SPTBN1: variants seen among roughly 807,000 people sequenced by gnomAD.
The protein encoded by SPTBN1 is spectrin beta chain, non-erythrocytic 1.
A neutral mutation model predicts 266.4 loss-of-function variants in SPTBN1; 32 were observed. The observed-to-expected ratio is 0.12, with a 90% CI of 0.09 to 0.16. The LOEUF (loss-of-function observed/expected upper bound fraction) is 0.16. SPTBN1 is among the 10% of genes least tolerant of loss of function. SPTBN1 has a pLI of 1.00. For missense variants in SPTBN1, 2,296 were observed against 3,067.1 expected (o/e 0.75, Z 5.94); for synonymous variants, 1,336 against 1,162.2 (o/e 1.15, Z -3.04).
At chr2:54,621,617 C>A in intron 8 of SPTBN1, 105 bp downstream of exon 8, 4 of 814,086 alleles carry the variant, frequency 4.9e-6, no homozygotes, top group Non-Finnish European at 8.3e-6. Flanking sequence ...TTGTAGTGGA[C>A]TCTCCGGATG....
intron 29 of SPTBN1, among the ~76,000 whole-genome samples, chr2:54,656,304 AATTC>A (rs1221756054): frequency 6.6e-6 from 1 of 152,218 alleles, no homozygotes; most frequent in Non-Finnish European, 1.5e-5. Context: ...TGTCTTCAAG[AATTC>A]TTACTACAGA....
chr2:54,489,509 T>C (rs1668576066), intron 1 of SPTBN1, among the ~76,000 whole-genome samples: 1 of 150,668 alleles, frequency 6.6e-6, no homozygotes, highest in Non-Finnish European at 1.5e-5. Context: ...GAGACCAGCC[T>C]GGCCAACATG....
intron 2 of SPTBN1, among the ~76,000 whole-genome samples, chr2:54,587,012 A>G (rs1675338593): frequency 6.6e-6 from 1 of 152,208 alleles, no homozygotes; most frequent in Non-Finnish European, 1.5e-5. Context: ...ATTGAAAACC[A>G]TAATAAGCAA....
intron 26 of SPTBN1, among the ~76,000 whole-genome samples, chr2:54,651,793 G>C (rs1680309231): frequency 1.3e-5 from 2 of 152,132 alleles, no homozygotes; most frequent in Non-Finnish European, 2.9e-5. Flanking sequence ...ATTGTAATTT[G>C]AGTTAAACCT....
chr2:54,519,772 A>G (rs574174100), intron 1 of SPTBN1, among the ~76,000 whole-genome samples: 5 of 152,280 alleles, frequency 3.3e-5, no homozygotes, highest in East Asian at 3.9e-4. Context: ...AGGGATTACA[A>G]TGAGAGATGA....
At chr2:54,480,672 T>C (rs1668048790) in intron 1 of SPTBN1, among the ~76,000 whole-genome samples, 1 of 152,170 alleles carries the variant, frequency 6.6e-6, no homozygotes, top group Admixed American at 6.5e-5. Context: ...CTACCCTCCA[T>C]TGGAATGGAT....
rs115782570 is a variant in SPTBN1 at position 54,575,636 on chromosome 2, A to G, written c.149-23456A>G. 6.9e-3 allele frequency among the ~76,000 whole-genome samples: 1,047 copies of G among 152,360 alleles called. 12 individuals carry two copies. Among genetic ancestry groups the G allele is most frequent in the African/African-American group, 0.023 (973 of 41,578 alleles). ...GATTCTTTTGTACACAGAGACGTGG[A>G]TGTAGACCCACTGGTAGCAATTGCA... On this transcript the variant is annotated intron_variant, in intron 2 of 35. Transcript: ENST00000356805.
intron 2 of SPTBN1, among the ~76,000 whole-genome samples, chr2:54,575,517 G>A (rs545152105): frequency 6.6e-6 from 1 of 152,340 alleles, no homozygotes; most frequent in South Asian, 2.1e-4. Flanking sequence ...TGTGGATACG[G>A]TATTTGGTAA....
intron 1 of SPTBN1, among the ~76,000 whole-genome samples, chr2:54,489,151 T>TAA (rs66488966): frequency 2.1e-4 from 24 of 116,106 alleles, no homozygotes; most frequent in African/African-American, 7.7e-4. Flanking sequence ...GGTCTGTATT[T>TAA]AAAAAAAAAA....
intron 1 of SPTBN1, among the ~76,000 whole-genome samples, chr2:54,498,656 A>G (rs1357247834): frequency 2.0e-5 from 3 of 152,244 alleles, no homozygotes; most frequent in African/African-American, 4.8e-5. Flanking sequence ...CCCTAAAGTG[A>G]AAAATTGAAC....
intron 2 of SPTBN1, among the ~76,000 whole-genome samples, chr2:54,571,210 C>G (rs58143357): frequency 0.05 from 7,554 of 151,980 alleles, 217 homozygotes; most frequent in Admixed American, 0.095. Flanking sequence ...GGCTGTGGGA[C>G]GTTTTCTCTC....
intron 12 of SPTBN1, among the ~76,000 whole-genome samples, chr2:54,627,239 T>G (rs1678405832): frequency 6.6e-6 from 1 of 152,202 alleles, no homozygotes. Context: ...TCTCTTGACC[T>G]CTCAAAATAG....
rs552551782 is a variant in SPTBN1 at position 54,485,879 on chromosome 2, C to T, written c.-48+29361C>T. ...GATGTGAGGAGCGCCTCTGCCCGGC[C>T]GCGACCCGTCTGGGAGGTGAGGAGC... On this transcript the variant is annotated intron_variant, in intron 1 of 35. Transcript: ENST00000356805. Among the ~76,000 whole-genome samples, 8 of 150,270 alleles carry T rather than the reference C, an allele frequency of 5.3e-5. No homozygotes were observed. The East Asian group carries it at 5.9e-4, about 11-fold the overall frequency.
chr2:54,648,793 A>G (rs1168820508), intron 24 of SPTBN1, among the ~76,000 whole-genome samples, 193 bp from the exon 25 acceptor site: 3 of 152,156 alleles, frequency 2.0e-5, no homozygotes, highest in Non-Finnish European at 4.4e-5. Flanking sequence ...TTGTTTACAT[A>G]TTGGCTCTTC....
chr2:54,590,957 T>C (rs1675639651), intron 2 of SPTBN1, among the ~76,000 whole-genome samples: 1 of 152,160 alleles, frequency 6.6e-6, no homozygotes, highest in Admixed American at 6.5e-5. Flanking sequence ...TGGATTAGAA[T>C]GCGGAGAGAG....
Position 54,562,999 on chromosome 2 carries a change from TG to T in SPTBN1, c.149-36092del, listed in dbSNP as rs1305440465. On this transcript the variant is annotated intron_variant, in intron 2 of 35. Transcript: ENST00000356805. Reference sequence around the variant, plus strand: ...AGTCAGAGCTTTCTATATGGAATTTTGTCTGGTCTTTATAACATACCTGTGA... The same window carrying T: ...AGTCAGAGCTTTCTATATGGAATTTTTCTGGTCTTTATAACATACCTGTGA... Among the ~76,000 whole-genome samples, 6 of 152,214 alleles carry T rather than the reference TG, an allele frequency of 3.9e-5. 1 individual carries two copies. Among genetic ancestry groups the T allele is most frequent in the African/African-American group, 1.4e-4 (6 of 41,452 alleles).
At chr2:54,522,678 G>GAGAGGAGAGAGAGAGAGAGAGAGA (rs370803474) in intron 1 of SPTBN1, among the ~76,000 whole-genome samples, 1 of 78,578 alleles carries the variant, frequency 1.3e-5, no homozygotes, top group Non-Finnish European at 2.7e-5. Flanking sequence ...GAGAGAGAGA[G>GAGAGGAGAGAGAGAGAGAGAGAGA]GAGAGAGAGA....
At chr2:54,465,119 G>A (rs1358723411) in intron 1 of SPTBN1, among the ~76,000 whole-genome samples, 3 of 152,156 alleles carry the variant, frequency 2.0e-5, no homozygotes, top group South Asian at 2.1e-4. Flanking sequence ...TAAATCCAGC[G>A]ATTGTTATAT....
At chr2:54,478,137 A>G (rs1207479032) in intron 1 of SPTBN1, among the ~76,000 whole-genome samples, 1 of 152,148 alleles carries the variant, frequency 6.6e-6, no homozygotes. Flanking sequence ...CAGGGATATG[A>G]CAAACATGGG....
Sources: gnomAD v4.1 joint callset for allele counts (sites outside exome capture counted in the v4.1 genomes callset) on GRCh38, gnomAD v4.1.1 for gene constraint, MANE v1.5 for transcripts, NCBI Gene and HGNC (gene_info 2026-07-23, HGNC 2026-07-21) for gene names.